PDLIM4: variants seen among roughly 807,000 people sequenced by gnomAD.
PDLIM4 encodes the protein PDZ and LIM domain protein 4.
A neutral mutation model predicts 31.3 loss-of-function variants in PDLIM4; 19 were observed. The ratio of observed to expected loss-of-function variants is 0.61; its 90% CI spans 0.42 to 0.89. The LOEUF is 0.89. Ranked by LOEUF, PDLIM4 falls within the 40% of genes least tolerant of loss-of-function variation. The pLI is 0.00. For synonymous variants in PDLIM4, 176 were observed against 190.1 expected (o/e 0.93, Z 0.61); for missense variants, 442 against 461.1 (o/e 0.96, Z 0.38).
chr5:132,265,838 G>A (rs1756479742), intron 2 of PDLIM4, among the ~76,000 whole-genome samples: 1 of 152,196 alleles, frequency 6.6e-6, no homozygotes, highest in African/African-American at 2.4e-5. Flanking sequence ...CCCTGCTTAT[G>A]GCAGGTTTAT....
Position 132,272,376 on chromosome 5 carries a change from C to A in PDLIM4, c.*147C>A. ...ACCCTCCTGCGCAGGCCATGCATGG[C>A]TCCCGAGTACAGTAGTATCTGCTTA... On this transcript the variant is annotated 3_prime_UTR_variant, in exon 7 of 7. Coordinates refer to ENST00000253754, the MANE Select transcript of PDLIM4 (RefSeq NM_003687.4). 1 of 677,514 alleles carries A rather than the reference C, an allele frequency of 1.5e-6. No homozygotes were observed. The allele number at this position is 677,514 out of a possible 1,614,324, so 42.0% of individuals were successfully genotyped here. A position where few individuals can be genotyped will look rare whatever the true frequency, so the allele number is the denominator to read the frequency against.
In PDLIM4 at chr5:132,272,162, G is replaced by A. The variant is rs766274745; in HGVS notation, c.926G>A (p.Arg309His). Reference sequence around the variant, plus strand: ...TACTGTGAGAGCCACGCCAAGGCGCGCGTGAAGCCGCCCGAGGGCTACGAC... The same window carrying A: ...TACTGTGAGAGCCACGCCAAGGCGCACGTGAAGCCGCCCGAGGGCTACGAC... ...RLYCESHAKA[R>H]VKPPEGYDVV... is the part of the protein sequence containing the mutation. Residue 309 changes from arginine (R) to histidine (H), a missense_variant, in exon 7 of 7, where the codon CGC (arginine) becomes CAC (histidine). Physicochemically the swap from Arg to His is conservative, Grantham distance 29. Transcript: ENST00000253754. The A allele has an allele frequency of 1.4e-5, 22 of 1,614,128 alleles. 1 individual carries two copies. The South Asian group carries it at 2.0e-4, about 14-fold the overall frequency.
intron 2 of PDLIM4, among the ~76,000 whole-genome samples, chr5:132,264,473 C>T (rs1041975290): frequency 4.6e-5 from 7 of 152,202 alleles, no homozygotes; most frequent in African/African-American, 1.7e-4. Flanking sequence ...GATTTAATCT[C>T]TTGAGCCCAT....
intron 2 of PDLIM4, among the ~76,000 whole-genome samples, chr5:132,265,729 C>T (rs1756477768): frequency 1.3e-5 from 2 of 152,228 alleles, no homozygotes; most frequent in African/African-American, 4.8e-5. Context: ...TCATACCCAC[C>T]TGCCAGTCCA....
intron 2 of PDLIM4, among the ~76,000 whole-genome samples, chr5:132,265,169 G>C (rs1473492738): frequency 1.3e-5 from 2 of 152,208 alleles, no homozygotes; most frequent in African/African-American, 4.8e-5. Context: ...AAAGAGCCCA[G>C]CCTGGGATGG....
At chr5:132,266,598 A>G in intron 3 of PDLIM4, 53 bp downstream of exon 3, 2 of 1,223,372 alleles carry the variant, frequency 1.6e-6, no homozygotes, top group South Asian at 2.6e-5. Context: ...CCCAGGGCAG[A>G]GGGGCCAGCA....
At chr5:132,261,960 G>A (rs1463368521) in intron 1 of PDLIM4, among the ~76,000 whole-genome samples, 1 of 152,226 alleles carries the variant, frequency 6.6e-6, no homozygotes, top group East Asian at 1.9e-4. Flanking sequence ...GAGGCTCCCA[G>A]AGGAAGTGGC....
In PDLIM4 at chr5:132,262,605, G is replaced by C. The variant is rs369195818; in HGVS notation, c.94-4G>C. 1.9e-6 allele frequency: 3 copies of C among 1,602,110 alleles called. No homozygotes were observed. The highest frequency in any genetic ancestry group is 4.5e-5 in the East Asian group (2 of 44,470). On this transcript the variant is annotated splice_polypyrimidine_tract_variant and splice_region_variant and intron_variant, in intron 1 of 6. Transcript: ENST00000253754. ...GCCCAGCCATCTGGCTTGTCTGCTC[G>C]CAGGTCCATGCTGGCAGCAAGGCTG...
At chr5:132,271,687 AGTCTCGG>A (rs1460822936) in intron 5 of PDLIM4, 97 bp from the exon 6 acceptor site, 1 of 994,330 alleles carries the variant, frequency 1.0e-6, no homozygotes, top group Non-Finnish European at 1.6e-6. Flanking sequence ...CCCGTTCCCC[AGTCTCGG>A]GTGCCGATGG....
rs909575881 is a variant in PDLIM4 at position 132,257,899 on chromosome 5, C to A, written c.93+72C>A. 4.2e-4 allele frequency: 355 copies of A among 845,196 alleles called. 1 individual carries two copies. The highest frequency in any genetic ancestry group is 1.6e-3 in the Middle Eastern group (7 of 4,290). The allele number at this position is 845,196 out of a possible 1,614,324, so 52.4% of individuals were successfully genotyped here. A position where few individuals can be genotyped will look rare whatever the true frequency, so the allele number is the denominator to read the frequency against. Reference sequence around the variant, plus strand: ...CCGGGTTCTCGCGGTCCGCCCGGGACCCAGATCCCCTGTGTATCCGAGGCT... The same window carrying A: ...CCGGGTTCTCGCGGTCCGCCCGGGAACCAGATCCCCTGTGTATCCGAGGCT... On this transcript the variant is annotated intron_variant, in intron 1 of 6. Transcript: ENST00000253754. The surrounding 1 kb of genome is among the most constrained non-coding windows in gnomAD (Gnocchi z 4.3).
Position 132,271,889 on chromosome 5 carries a change from C to A in PDLIM4, c.769C>A (p.Arg257Ser), listed in dbSNP as rs746807572. Residue 257 changes from arginine (R) to serine (S), a missense_variant, in exon 6 of 7, where the codon CGC becomes AGC. Transcript: ENST00000253754. ...CCTGCAGGGGCTGCCCGAGTGCACG[C>A]GCTGCGGCCACGGCATCGTGTGAGT... ...SGLQGLPECT[R>S]CGHGIVGTIV... 2 of 1,608,192 alleles carry A rather than the reference C, an allele frequency of 1.2e-6. No homozygotes were observed. The highest frequency in any genetic ancestry group is 3.4e-5 in the Admixed American group (2 of 59,552).
intron 3 of PDLIM4, among the ~76,000 whole-genome samples, chr5:132,267,362 C>T (rs943476493): frequency 1.3e-5 from 2 of 152,228 alleles, no homozygotes; most frequent in African/African-American, 4.8e-5. Flanking sequence ...GGATGTGCCC[C>T]AGCTTCTCCC....
At chr5:132,270,629 A>G in intron 3 of PDLIM4, 1 of 510,076 alleles carries the variant, frequency 2.0e-6, no homozygotes. Context: ...TGGTGGGCAG[A>G]ACCACTGCAG....
In PDLIM4 at chr5:132,262,605, G is replaced by A. The variant is rs369195818; in HGVS notation, c.94-4G>A. 3.4e-5 allele frequency: 55 copies of A among 1,601,992 alleles called. No homozygotes were observed. Among genetic ancestry groups the A allele is most frequent in the Non-Finnish European group, 4.2e-5 (49 of 1,173,946 alleles). ...GCCCAGCCATCTGGCTTGTCTGCTC[G>A]CAGGTCCATGCTGGCAGCAAGGCTG... On this transcript the variant is annotated splice_polypyrimidine_tract_variant and splice_region_variant and intron_variant, in intron 1 of 6. Transcript: ENST00000253754.
chr5:132,271,923 C>A lies in PDLIM4; in HGVS notation c.788+15C>A. ...CACGGCATCGTGTGAGTAACCGCCC[C>A]CGCTGCCCCTCCCGGACCCTAGCCT... On this transcript the variant is annotated intron_variant, in intron 6 of 6. Coordinates refer to ENST00000253754, the MANE Select transcript of PDLIM4 (RefSeq NM_003687.4). 1 of 1,596,082 alleles carries A rather than the reference C, an allele frequency of 6.3e-7. No homozygotes were observed. The highest frequency in any genetic ancestry group is 8.6e-7 in the Non-Finnish European group (1 of 1,165,698).
chr5:132,272,011 G>A lies in PDLIM4; in HGVS notation c.789-14G>A. 1 of 1,613,132 alleles carries A rather than the reference G, an allele frequency of 6.2e-7. No homozygotes were observed. The highest frequency in any genetic ancestry group is 1.1e-5 in the South Asian group (1 of 91,060). On this transcript the variant is annotated splice_polypyrimidine_tract_variant and intron_variant, in intron 6 of 6. Transcript: ENST00000253754. Reference sequence around the variant, plus strand: ...CAGTCACTCGACGCTGTCCTGTCTCGTTCCCCCCATCAGGGGCACCATCGT... The same window carrying A: ...CAGTCACTCGACGCTGTCCTGTCTCATTCCCCCCATCAGGGGCACCATCGT...
At chr5:132,262,282 C>T (rs540644056) in intron 1 of PDLIM4, among the ~76,000 whole-genome samples, 1 of 152,264 alleles carries the variant, frequency 6.6e-6, no homozygotes, top group Non-Finnish European at 1.5e-5. Context: ...GCACCTATGT[C>T]TCCATGTGTC....
chr5:132,260,105 G>A (rs1284007161), intron 1 of PDLIM4, among the ~76,000 whole-genome samples: 1 of 152,204 alleles, frequency 6.6e-6, no homozygotes, highest in Non-Finnish European at 1.5e-5. Context: ...GAAGCAGAGT[G>A]GAGACAGGAG....
At chr5:132,259,920 C>T (rs973810574) in intron 1 of PDLIM4, among the ~76,000 whole-genome samples, 40 of 146,232 alleles carry the variant, frequency 2.7e-4, no homozygotes, top group African/African-American at 9.9e-4. Context: ...TTGGTAACAG[C>T]TCCCTCCAGT....
Sources: gnomAD v4.1 joint callset for allele counts (sites outside exome capture counted in the v4.1 genomes callset) on GRCh38, gnomAD v4.1.1 for gene constraint, Gnocchi (gnomAD v3.1) non-coding constraint, MANE v1.5 for transcripts, NCBI Gene and HGNC (gene_info 2026-07-23, HGNC 2026-07-21) for gene names.